The following PSG11 variants were observed in gnomAD, a reference collection of about 807,000 sequenced individuals.
PSG11 encodes the protein pregnancy specific beta-1-glycoprotein 11, also known as pregnancy-specific beta-1-glycoprotein 11.
PSG11 carries 42 observed loss-of-function variants against 36.0 expected under a neutral mutation model. The observed-to-expected ratio is 1.17, with a 90% CI of 0.91 to 1.51. The LOEUF (loss-of-function observed/expected upper bound fraction) is 1.51, where lower values mean the gene tolerates loss of function less well. Ranked by LOEUF, PSG11 falls within the 40% of genes most tolerant of loss-of-function variation. The pLI is 0.00. For synonymous variants in PSG11, 206 were observed against 153.5 expected (o/e 1.34, Z -2.53); for missense variants, 558 against 403.5 (o/e 1.38, Z -3.28).
intron 3 of PSG11, among the ~76,000 whole-genome samples, chr19:43,016,470 G>A (rs1966970006): frequency 6.6e-6 from 1 of 151,084 alleles, no homozygotes; most frequent in South Asian, 2.1e-4. Flanking sequence ...CCATTTCCAA[G>A]GACATTCTAG....
Position 43,020,872 on chromosome 19 carries a change from G to C in PSG11, c.431-1824C>G, listed in dbSNP as rs1967086133. On this transcript the variant is annotated intron_variant, in intron 2 of 5. Coordinates refer to ENST00000320078, the MANE Select transcript of PSG11 (RefSeq NM_002785.3). Reference sequence around the variant, plus strand: ...ATGGGGAGGACCCCAAAACAGGTATGTGAAATGCTTTCTTCATTTTCTGTT... The same window carrying C: ...ATGGGGAGGACCCCAAAACAGGTATCTGAAATGCTTTCTTCATTTTCTGTT... Among the ~76,000 whole-genome samples, 3 of 151,390 alleles carry C rather than the reference G, an allele frequency of 2.0e-5. 1 individual carries two copies. In the South Asian group the frequency reaches 6.3e-4, roughly 32 times the overall value.
intron 4 of PSG11, 25 bp downstream of exon 4, chr19:43,015,091 G>T (rs1966924839): frequency 6.2e-7 from 1 of 1,611,268 alleles, no homozygotes. Context: ...AAACCCTATT[G>T]CCAAGGATGC....
chr19:43,023,112 G>A (rs1224498765), intron 2 of PSG11, among the ~76,000 whole-genome samples: 6 of 150,638 alleles, frequency 4.0e-5, no homozygotes, highest in Non-Finnish European at 8.9e-5. Flanking sequence ...AAGGAGCCCC[G>A]AGAACCCTCT....
At chr19:43,025,511 C>A (rs1262564059) in intron 1 of PSG11, among the ~76,000 whole-genome samples, 2 of 151,120 alleles carry the variant, frequency 1.3e-5, no homozygotes, top group African/African-American at 2.4e-5. Context: ...TTCTAGATCT[C>A]TTTGCATGTC....
chr19:43,023,156 G>C lies in PSG11; in HGVS notation c.430+1535C>G, dbSNP rs1323058350. 7.3e-5 allele frequency among the ~76,000 whole-genome samples: 11 copies of C among 150,628 alleles called. No homozygotes were observed. The South Asian group carries it at 1.7e-3, about 23-fold the overall frequency. On this transcript the variant is annotated intron_variant, in intron 2 of 5. Coordinates refer to ENST00000320078, the MANE Select transcript of PSG11 (RefSeq NM_002785.3). ...AAGAGCTTCAGAGTTACATGAGGTG[G>C]GGTGGCTTTAGGGGCAAGAGGTAGT...
At chr19:43,026,280 T>A in intron 1 of PSG11, 29 bp downstream of exon 1, 1 of 1,608,964 alleles carries the variant, frequency 6.2e-7, no homozygotes, top group African/African-American at 1.3e-5. Flanking sequence ...TTCCTCCTCC[T>A]GTCCTCTCCC....
Position 43,007,671 on chromosome 19 carries a change from A to G in PSG11, c.*412T>C, listed in dbSNP as rs557588176. On this transcript the variant is annotated 3_prime_UTR_variant, in exon 6 of 6. Transcript: ENST00000320078. Reference sequence around the variant, plus strand: ...AGATTCTTACTAAACTTGTGCAAATAACTTTATTACCATAAACATATGAAT... The same window carrying G: ...AGATTCTTACTAAACTTGTGCAAATGACTTTATTACCATAAACATATGAAT... The G allele has an allele frequency of 6.2e-6, 1 of 162,290 alleles. No homozygotes were observed. Among genetic ancestry groups the G allele is most frequent in the East Asian group, 1.6e-4 (1 of 6,276 alleles). The allele number at this position is 162,290 out of a possible 1,614,324, so 10.1% of individuals were successfully genotyped here.
At chr19:43,026,235 G>A (rs1234377352) in intron 1 of PSG11, 74 bp downstream of exon 1, 2 of 1,589,102 alleles carry the variant, frequency 1.3e-6, no homozygotes, top group Admixed American at 1.7e-5. Flanking sequence ...AGAACCCCAG[G>A]AGCCTCTCCA....
At chr19:43,025,934 C>CTTTTTTTTTTTTTTTTTTTTTTT (rs1967240749) in intron 1 of PSG11, among the ~76,000 whole-genome samples, 1 of 61,484 alleles carries the variant, frequency 1.6e-5, no homozygotes, top group Non-Finnish European at 2.8e-5. Flanking sequence ...TTTTTTTTTT[C>CTTTTTTTTTTTTTTTTTTTTTTT]TCTTTTTTTT....
chr19:43,016,431 C>T (rs1438877660), intron 3 of PSG11, among the ~76,000 whole-genome samples: 4 of 151,182 alleles, frequency 2.6e-5, no homozygotes, highest in African/African-American at 7.3e-5. Flanking sequence ...TCCTACTTTG[C>T]CCCCCTAGAT....
At chr19:43,009,853 G>A in intron 5 of PSG11, 105 bp downstream of exon 5, 2 of 875,278 alleles carry the variant, frequency 2.3e-6, no homozygotes, top group South Asian at 3.1e-5. Flanking sequence ...GTTAGTGGAT[G>A]AAGGAGGAGA....
In PSG11 at chr19:43,024,944, G is replaced by A. The variant is rs760501588; in HGVS notation, c.177C>T (p.Pro59=). ...ACCAGATGTAGCCAGTAAGATTCTG[G>A]GGCAAATTGTGGACAAGTAGAAGAA... ...KDVLLLVHNL[P]QNLTGYIWYK... The change falls in exon 2 of 6, where the codon CCC becomes CCT. Residue 59 remains proline, a synonymous_variant. Coordinates refer to ENST00000320078, the MANE Select transcript of PSG11 (RefSeq NM_002785.3). 4.3e-6 allele frequency: 7 copies of A among 1,611,784 alleles called. No homozygotes were observed. In the Admixed American group the frequency reaches 6.7e-5, roughly 15 times the overall value.
At chr19:43,016,080 G>A (rs1217841919) in intron 3 of PSG11, 1 of 1,581,168 alleles carries the variant, frequency 6.3e-7, no homozygotes, top group Non-Finnish European at 8.6e-7. Context: ...TGTCCTGTGT[G>A]GCACCTTTGA....
Position 43,025,158 on chromosome 19 carries a change from A to AAGAC in PSG11, c.65-106_65-103dup. 4 of 1,357,038 alleles carry AAGAC rather than the reference A, an allele frequency of 2.9e-6. No homozygotes were observed. The South Asian group carries it at 5.6e-5, about 19-fold the overall frequency. The allele number at this position is 1,357,038 out of a possible 1,614,324, so 84.1% of individuals were successfully genotyped here. A position where few individuals can be genotyped will look rare whatever the true frequency, so the allele number is the denominator to read the frequency against. ...AAGGTCTCTTCAATCCTCAGCCTTG[A>AAGAC]AGACACACACACACACACACACACA... On this transcript the variant is annotated intron_variant, in intron 1 of 5. Coordinates refer to ENST00000320078, the MANE Select transcript of PSG11 (RefSeq NM_002785.3).
chr19:43,025,626 G>A (rs1967226592), intron 1 of PSG11, among the ~76,000 whole-genome samples: 1 of 148,810 alleles, frequency 6.7e-6, no homozygotes, highest in Admixed American at 6.7e-5. Flanking sequence ...GTAGATGTGA[G>A]AGTTCTCAGG....
Position 43,007,729 on chromosome 19 carries a change from CAGAG to C in PSG11, c.*350_*353del, listed in dbSNP as rs964843879. 10 of 202,764 alleles carry C rather than the reference CAGAG, an allele frequency of 4.9e-5. 1 individual carries two copies. Among genetic ancestry groups the C allele is most frequent in the Admixed American group, 2.4e-4 (4 of 16,486 alleles). 12.6% of individuals were successfully genotyped at this position (202,764 alleles called of 1,614,324 possible). On this transcript the variant is annotated 3_prime_UTR_variant, in exon 6 of 6. Coordinates refer to ENST00000320078, the MANE Select transcript of PSG11 (RefSeq NM_002785.3). ...AATAGATTCCCAATTCTGGGGCACT[CAGAG>C]AGCAAAAGCAAATGTTTCAATTTTT... is the stretch of plus-strand genomic sequence containing the variant.
At chr19:43,023,110 C>CGGAGAA (rs1967143232) in intron 2 of PSG11, among the ~76,000 whole-genome samples, 1 of 150,614 alleles carries the variant, frequency 6.6e-6, no homozygotes, top group African/African-American at 2.5e-5. Flanking sequence ...CCAAGGAGCC[C>CGGAGAA]CGAGAACCCT....
chr19:43,009,569 G>A lies in PSG11; in HGVS notation c.*40+389C>T, dbSNP rs561806419. ...TAGATTTTAGAAAGGTAATGAGGCA[G>A]TTATATGCAAGGAACATTTCAAAGT... is the stretch of plus-strand genomic sequence containing the variant. On this transcript the variant is annotated intron_variant, in intron 5 of 5. Coordinates refer to ENST00000320078, the MANE Select transcript of PSG11 (RefSeq NM_002785.3). Among the ~76,000 whole-genome samples the A allele has an allele frequency of 1.8e-3, 273 of 151,536 alleles. 5 individuals are homozygous for A. The highest frequency in any genetic ancestry group is 6.4e-3 in the African/African-American group (265 of 41,168).
intron 4 of PSG11, chr19:43,014,509 G>A (rs1456442060): frequency 2.0e-6 from 2 of 978,528 alleles, no homozygotes; most frequent in Non-Finnish European, 2.4e-6. Context: ...GCCCGGGGGA[G>A]GCTTGGCTTG....
Sources: gnomAD v4.1 joint callset for allele counts (sites outside exome capture counted in the v4.1 genomes callset) on GRCh38, gnomAD v4.1.1 for gene constraint, MANE v1.5 for transcripts, NCBI Gene and HGNC (gene_info 2026-07-23, HGNC 2026-07-21) for gene names.